The following RNF212B variants were observed in gnomAD, a reference collection of about 807,000 sequenced individuals.
The protein encoded by RNF212B is ring finger protein 212B, also known as E3 ubiquitin-protein ligase RNF212B.
Under a neutral mutation model 55.5 loss-of-function variants are expected in RNF212B, and 52 were observed. That is an observed-to-expected ratio of 0.94 (90% CI 0.75 to 1.18). The LOEUF is 1.18. Among genes scored for constraint, RNF212B ranks in the 50% most tolerant of loss-of-function variants. The pLI is 0.00. For synonymous variants in RNF212B, 99 were observed against 121.4 expected (o/e 0.82, Z 1.21); for missense variants, 289 against 350.4 (o/e 0.82, Z 1.40).
chr14:23,242,073 C>A (rs1436425095), intron 2 of RNF212B, among the ~76,000 whole-genome samples: 2 of 84,426 alleles, frequency 2.4e-5, no homozygotes, highest in Non-Finnish European at 4.8e-5. Context: ...CAGAGCAAGA[C>A]TCCGTCTCAA....
chr14:23,259,883 G>C lies in RNF212B; in HGVS notation c.345-1G>C. 1 of 1,504,228 alleles carries C rather than the reference G, an allele frequency of 6.6e-7. No homozygotes were observed. The highest frequency in any genetic ancestry group is 8.9e-7 in the Non-Finnish European group (1 of 1,124,034). 93.2% of individuals were successfully genotyped at this position (1,504,228 alleles called of 1,614,324 possible). Reference sequence around the variant, plus strand: ...GCTGATTGTTTCCATCTTTTGCCTAGAGAATTGTCAGTCTTAAGGAAGGAG... The same window carrying C: ...GCTGATTGTTTCCATCTTTTGCCTACAGAATTGTCAGTCTTAAGGAAGGAG... On this transcript the variant is annotated splice_acceptor_variant, in intron 5 of 14. Coordinates refer to ENST00000430154, the MANE Select transcript of RNF212B (RefSeq NM_001282322.3). LOFTEE classifies it high-confidence loss of function.
At chr14:23,215,551 A>G (rs1038350663) in intron 2 of RNF212B, among the ~76,000 whole-genome samples, 34 of 152,178 alleles carry the variant, frequency 2.2e-4, no homozygotes, top group African/African-American at 7.2e-4. Context: ...GAAATCATCA[A>G]TGCCCAAAGA....
At chr14:23,189,699 C>G (rs1877934744) in intron 1 of RNF212B, among the ~76,000 whole-genome samples, 1 of 151,992 alleles carries the variant, frequency 6.6e-6, no homozygotes, top group African/African-American at 2.4e-5. Flanking sequence ...GCACCAGCAA[C>G]TCAGGAGGCT....
Position 23,264,618 on chromosome 14 carries a change from A to G in RNF212B, c.586-5A>G, listed in dbSNP as rs769973888. ...ATTAATTGATGCTTATTATTTGTCT[A>G]TCAGGGAGGCAGAGGTCTGCAGGGA... On this transcript the variant is annotated splice_region_variant and splice_polypyrimidine_tract_variant and intron_variant, in intron 10 of 14. Coordinates refer to ENST00000430154, the MANE Select transcript of RNF212B (RefSeq NM_001282322.3). The G allele has an allele frequency of 2.1e-4, 276 of 1,343,874 alleles. No individual in the cohort carries two copies. Among genetic ancestry groups the G allele is most frequent in the Non-Finnish European group, 2.5e-4 (263 of 1,039,848 alleles). The allele number at this position is 1,343,874 out of a possible 1,614,324, so 83.2% of individuals were successfully genotyped here.
intron 2 of RNF212B, among the ~76,000 whole-genome samples, chr14:23,219,862 G>A (rs1208109106): frequency 6.6e-6 from 1 of 152,038 alleles, no homozygotes; most frequent in Admixed American, 6.6e-5. Flanking sequence ...ATATTTGCAA[G>A]CCTCACGATA....
At chr14:23,258,796 G>C in intron 5 of RNF212B, 132 bp downstream of exon 5, 1 of 445,232 alleles carries the variant, frequency 2.2e-6, no homozygotes, top group African/African-American at 2.1e-5. Context: ...ATCAGGTACA[G>C]AATTTTTGAT....
chr14:23,270,645 A>AG lies in RNF212B; in HGVS notation c.819dup (p.Leu274AlafsTer27), dbSNP rs1886009429. Reference sequence around the variant, plus strand: ...ACACTAGAGAGTCTTCCTAGTTTCCAGCTACCAGTCCTGCAGGTGAGACCT... The same window carrying AG: ...ACACTAGAGAGTCTTCCTAGTTTCCAGGCTACCAGTCCTGCAGGTGAGACCT... On this transcript the variant is annotated frameshift_variant, in exon 14 of 15. Transcript: ENST00000430154. LOFTEE classifies it high-confidence loss of function. 1 of 1,550,186 alleles carries AG rather than the reference A, an allele frequency of 6.5e-7. No individual in the cohort carries two copies. The highest frequency in any genetic ancestry group is 8.7e-7 in the Non-Finnish European group (1 of 1,146,264).
intron 11 of RNF212B, 66 bp downstream of exon 11, chr14:23,264,737 T>C: frequency 1.0e-6 from 1 of 1,003,928 alleles, no homozygotes; most frequent in Non-Finnish European, 1.3e-6. Context: ...GGATTTCTGG[T>C]TTTCTATGCA....
chr14:23,269,764 T>C, intron 12 of RNF212B, 99 bp from the exon 13 acceptor site: 1 of 658,778 alleles, frequency 1.5e-6, no homozygotes. Flanking sequence ...AATTTTTTCC[T>C]CTCTGGCCTA....
intron 2 of RNF212B, among the ~76,000 whole-genome samples, chr14:23,242,081 CAAAAAAAAAAAAAAAAAA>C (rs58497672): frequency 2.7e-5 from 1 of 36,646 alleles, no homozygotes; most frequent in Non-Finnish European, 4.9e-5. Flanking sequence ...GACTCCGTCT[CAAAAAAAAAAAAAAAAAA>C]AAAAAAAAGA....
chr14:23,205,199 CT>C (rs1879714069), intron 2 of RNF212B, among the ~76,000 whole-genome samples: 1 of 151,692 alleles, frequency 6.6e-6, no homozygotes, highest in Non-Finnish European at 1.5e-5. Flanking sequence ...ATTTTTATAA[CT>C]TTCTTTACTT....
At chr14:23,211,419 T>C (rs553819371) in intron 2 of RNF212B, among the ~76,000 whole-genome samples, 1 of 152,236 alleles carries the variant, frequency 6.6e-6, no homozygotes, top group Admixed American at 6.5e-5. Context: ...ACTGGTAAGT[T>C]CTACCAAACA....
At chr14:23,199,646 G>A (rs1284524616) in intron 2 of RNF212B, among the ~76,000 whole-genome samples, 2 of 152,046 alleles carry the variant, frequency 1.3e-5, no homozygotes, top group African/African-American at 2.4e-5. Flanking sequence ...GGTAGGTCCC[G>A]AACGAAGATT....
intron 2 of RNF212B, among the ~76,000 whole-genome samples, chr14:23,229,063 C>T (rs970051895): frequency 1.3e-5 from 2 of 151,712 alleles, no homozygotes; most frequent in East Asian, 3.9e-4. Flanking sequence ...AATCTACTTT[C>T]TGTCTCTATA....
chr14:23,198,224 G>T (rs1030383778), intron 2 of RNF212B, among the ~76,000 whole-genome samples: 1 of 152,140 alleles, frequency 6.6e-6, no homozygotes, highest in African/African-American at 2.4e-5. Context: ...CAGACATCAT[G>T]CTATTTCATC....
rs556176086 is a variant in RNF212B, at chr14:23,260,607, G to A, written c.406-52G>A. On this transcript the variant is annotated intron_variant, in intron 6 of 14. Transcript: ENST00000430154. The stretch of plus-strand genomic sequence containing the variant: ...TCGCAAGTAAGACTGAAGATCTGTT[G>A]ATTAGGATCCTCAGTTGCAGCTTTC... 687 of 1,510,890 alleles carry A rather than the reference G, an allele frequency of 4.5e-4. 1 individual carries two copies. Among genetic ancestry groups the A allele is most frequent in the South Asian group, 6.4e-4 (53 of 83,148 alleles). 93.6% of individuals were successfully genotyped at this position (1,510,890 alleles called of 1,614,324 possible).
At chr14:23,208,707 A>G (rs766257699) in intron 2 of RNF212B, among the ~76,000 whole-genome samples, 13 of 151,706 alleles carry the variant, frequency 8.6e-5, no homozygotes, top group Admixed American at 1.3e-4. Context: ...TAAAGGAATA[A>G]AAGAATGGCT....
Position 23,251,000 on chromosome 14 carries a change from A to G in RNF212B, c.228+6604A>G, listed in dbSNP as rs1051823004. 3.3e-5 allele frequency among the ~76,000 whole-genome samples: 5 copies of G among 152,150 alleles called. No individual in the cohort carries two copies. The East Asian group carries it at 7.7e-4, about 23-fold the overall frequency. ...AATGAAAGGCAGGTTTGCCCTGAGC[A>G]TTTCCCAGCTTGGCTTTTCCCTTTA... is the stretch of plus-strand genomic sequence containing the variant. On this transcript the variant is annotated intron_variant, in intron 4 of 14. Coordinates refer to ENST00000430154, the MANE Select transcript of RNF212B (RefSeq NM_001282322.3).
chr14:23,195,976 C>G (rs756675475), intron 2 of RNF212B, among the ~76,000 whole-genome samples: 2 of 152,030 alleles, frequency 1.3e-5, no homozygotes, highest in South Asian at 4.1e-4. Flanking sequence ...CACTGTGCCA[C>G]GGGAGAAAAA....
Sources: allele counts gnomAD v4.1 joint callset (sites outside exome capture counted in the v4.1 genomes callset), GRCh38; gene constraint gnomAD v4.1.1; transcripts MANE v1.5; gene names NCBI Gene and HGNC (gene_info 2026-07-23, HGNC 2026-07-21).